Variants in NAALAD2 observed in about 807,000 individuals in gnomAD.
The protein encoded by NAALAD2 is N-acetylated-alpha-linked acidic dipeptidase 2.
A neutral mutation model predicts 95.6 loss-of-function variants in NAALAD2; 89 were observed. The ratio of observed to expected loss-of-function variants is 0.93; its 90% confidence interval spans 0.78 to 1.11. The LOEUF is 1.11. Ranked by LOEUF, NAALAD2 falls within the 50% of genes least tolerant of loss-of-function variation. The probability of loss-of-function intolerance (pLI) is 0.00; values close to 1 mark genes in which losing one functional copy is unlikely to be tolerated. For synonymous variants in NAALAD2, 264 were observed against 294.4 expected (o/e 0.90, Z 1.06); for missense variants, 894 against 872.4 (o/e 1.02, Z -0.31).
chr11:90,155,560 A>G (rs1178748426), intron 6 of NAALAD2, among the ~76,000 whole-genome samples: 1 of 90,720 alleles, frequency 1.1e-5, no homozygotes, highest in African/African-American at 4.9e-5. Flanking sequence ...TATAATGTGT[A>G]ATATATAATA....
intron 2 of NAALAD2, among the ~76,000 whole-genome samples, chr11:90,144,116 A>C (rs1951689376): frequency 6.6e-6 from 1 of 152,164 alleles, no homozygotes; most frequent in South Asian, 2.1e-4. Flanking sequence ...GAAGAGAGAT[A>C]CACATACAAA....
At chr11:90,132,832 T>C (rs1951372978), upstream of NAALAD2, among the ~76,000 whole-genome samples, 1 of 152,218 alleles carries the variant, frequency 6.6e-6, no homozygotes, top group African/African-American at 2.4e-5. Flanking sequence ...TTTTGAAAGA[T>C]GTTTCTCTCT....
intron 7 of NAALAD2, 50 bp downstream of exon 7, chr11:90,158,288 C>T (rs916578604): frequency 1.5e-5 from 20 of 1,368,812 alleles, no homozygotes; most frequent in East Asian, 6.9e-5. Context: ...CACTAGTTGT[C>T]TATTTTCTCA....
At chr11:90,143,123 A>G (rs1293017211) in intron 2 of NAALAD2, among the ~76,000 whole-genome samples, 1 of 152,120 alleles carries the variant, frequency 6.6e-6, no homozygotes, top group East Asian at 1.9e-4. Flanking sequence ...TGTATTGTAA[A>G]CCAATTAAAG....
chr11:90,138,973 T>C (rs1951530334), intron 2 of NAALAD2, among the ~76,000 whole-genome samples: 1 of 152,038 alleles, frequency 6.6e-6, no homozygotes, highest in African/African-American at 2.4e-5. Context: ...TCTTCCGTAG[T>C]ATTGACAGTC....
At chr11:90,144,757 G>GAAAAAAAAAAAAAAAAAAAA (rs1302696048) in intron 2 of NAALAD2, among the ~76,000 whole-genome samples, 1 of 129,494 alleles carries the variant, frequency 7.7e-6, no homozygotes, top group East Asian at 2.3e-4. Context: ...AAAAAAAAAC[G>GAAAAAAAAAAAAAAAAAAAA]GAAAAGAAAG....
rs769048259 is a variant in NAALAD2 at position 90,152,359 on chromosome 11, A to G, written c.671A>G (p.Tyr224Cys). 18 of 1,613,666 alleles carry G rather than the reference A, an allele frequency of 1.1e-5. No homozygotes were observed. In the South Asian group the frequency reaches 1.5e-4, roughly 14 times the overall value. ...GIILYSDPADYFAPEVQPYPK... is the reference protein window; with the variant it reads ...GIILYSDPADCFAPEVQPYPK... ...ATCTTGTACTCAGATCCAGCTGACT[A>G]CTTTGCTCCTGAGGTACAGCCATAT... Residue 224 changes from tyrosine (Y) to cysteine (C), a missense_variant, in exon 6 of 19, where the codon TAC becomes TGC. Coordinates refer to ENST00000534061, the MANE Select transcript of NAALAD2 (RefSeq NM_005467.4).
chr11:90,131,890 C>T (rs1951357908), upstream of NAALAD2: 1 of 152,132 alleles, frequency 6.6e-6, no homozygotes, highest in African/African-American at 2.4e-5. Context: ...CATTGAGAGA[C>T]TGGTTTTCAA....
intron 1 of NAALAD2, chr11:90,135,088 C>G (rs1241639625): frequency 2.0e-6 from 1 of 492,464 alleles, no homozygotes; most frequent in Non-Finnish European, 3.6e-6. Flanking sequence ...TAAAGACAAC[C>G]TACAGCTGTC....
chr11:90,155,430 GTAATATA>G (rs572771198), intron 6 of NAALAD2, among the ~76,000 whole-genome samples: 1,550 of 82,636 alleles, frequency 0.019, 34 homozygotes, highest in African/African-American at 0.077. Flanking sequence ...TATTATACAT[GTAATATA>G]TAATATATAA....
chr11:90,170,732 G>A lies in NAALAD2; in HGVS notation c.1410+596G>A, dbSNP rs560859979. On this transcript the variant is annotated intron_variant, in intron 13 of 18. Transcript: ENST00000534061. ...AGGAGCATAAGAAGAGGTTTGCAGA[G>A]TCACTGATGTTTGGACTGTCAAATG... Among the ~76,000 whole-genome samples the A allele has an allele frequency of 1.3e-4, 20 of 152,282 alleles. No homozygotes were observed. The East Asian group carries it at 3.9e-3, about 29-fold the overall frequency.
intron 17 of NAALAD2, among the ~76,000 whole-genome samples, chr11:90,181,933 G>A (rs144273331): frequency 4.7e-4 from 61 of 131,028 alleles, no homozygotes; most frequent in Admixed American, 9.7e-4. Context: ...CCCCCACCCC[G>A]CCCTTCAATG....
At chr11:90,190,983 A>G (rs569363009) in intron 18 of NAALAD2, among the ~76,000 whole-genome samples, 32 of 152,282 alleles carry the variant, frequency 2.1e-4, no homozygotes, top group African/African-American at 7.2e-4. Flanking sequence ...AAAAGCAACT[A>G]TAAAACTTTC....
chr11:90,140,525 T>A (rs1466797472), intron 2 of NAALAD2, among the ~76,000 whole-genome samples: 4 of 151,992 alleles, frequency 2.6e-5, no homozygotes, highest in African/African-American at 4.8e-5. Context: ...CTCAAAAAAA[T>A]TTTCCAATAT....
In NAALAD2 at chr11:90,191,827, C is replaced by T. The variant is rs1018925877; in HGVS notation, c.*80C>T. The T allele has an allele frequency of 2.3e-5, 26 of 1,154,870 alleles. 1 individual carries two copies. The highest frequency in any genetic ancestry group is 4.2e-4 in the Middle Eastern group (2 of 4,706). 71.5% of individuals were successfully genotyped at this position (1,154,870 alleles called of 1,614,324 possible). A position where few individuals can be genotyped will look rare whatever the true frequency, so the allele number is the denominator to read the frequency against. On this transcript the variant is annotated 3_prime_UTR_variant, in exon 19 of 19. Coordinates refer to ENST00000534061, the MANE Select transcript of NAALAD2 (RefSeq NM_005467.4). The stretch of plus-strand genomic sequence containing the variant: ...TCACCTTTCTGATAACTTATGAAGC[C>T]AGGGTGTTCTAAACTCTTTTCATGT...
At chr11:90,132,981 A>C (rs1245746014), upstream of NAALAD2, among the ~76,000 whole-genome samples, 1 of 152,222 alleles carries the variant, frequency 6.6e-6, no homozygotes, top group Non-Finnish European at 1.5e-5. Context: ...CTTCAAAGTT[A>C]AGTACCAGGT....
intron 8 of NAALAD2, among the ~76,000 whole-genome samples, chr11:90,162,088 T>TA (rs923493021): frequency 1.3e-5 from 2 of 152,106 alleles, no homozygotes; most frequent in East Asian, 3.9e-4. Context: ...ATTCTTCCAT[T>TA]AAAAAACGAT....
At position 90,150,570 on chromosome 11, in the gene NAALAD2, T is replaced by G; in HGVS notation, c.572T>G (p.Val191Gly). 2 of 1,605,030 alleles carry G rather than the reference T, an allele frequency of 1.2e-6. No homozygotes were observed. Among genetic ancestry groups the G allele is most frequent in the Non-Finnish European group, 1.7e-6 (2 of 1,173,102 alleles). Residue 191 changes from valine to glycine, a missense_variant, in exon 5 of 19, where the codon GTT becomes GGT. Physicochemically the swap from Val to Gly is moderately radical, Grantham distance 109. Coordinates refer to ENST00000534061, the MANE Select transcript of NAALAD2 (RefSeq NM_005467.4). ...GGCATCAACTGTACTGGGAAGATTG[T>G]TATTGCAAGATATGGAAAAATCTTC... The part of the protein sequence containing the change: ...EMGINCTGKI[V>G]IARYGKIFRG...
At chr11:90,146,976 A>AT (rs999916458) in intron 2 of NAALAD2, among the ~76,000 whole-genome samples, 59 of 150,422 alleles carry the variant, frequency 3.9e-4, no homozygotes, top group East Asian at 1.2e-3. Flanking sequence ...GTTAAGATCT[A>AT]TTTTTTTTTT....
Sources: gnomAD v4.1 joint callset for allele counts (sites outside exome capture counted in the v4.1 genomes callset) on GRCh38, gnomAD v4.1.1 for gene constraint, MANE v1.5 for transcripts, NCBI Gene and HGNC (gene_info 2026-07-23, HGNC 2026-07-21) for gene names.